The following KAT6A variants were observed in gnomAD, a reference collection of about 807,000 sequenced individuals.
The protein encoded by KAT6A is lysine acetyltransferase 6A.
In KAT6A, 9 loss-of-function variants were observed where a neutral mutation model predicts 198.4. The observed-to-expected ratio is 0.05, with a 90% CI of 0.03 to 0.08. The LOEUF (loss-of-function observed/expected upper bound fraction) is 0.08. Ranked by LOEUF, KAT6A falls within the 10% of genes least tolerant of loss-of-function variation. KAT6A has a pLI of 1.00. For synonymous variants in KAT6A, 890 were observed against 883.0 expected (o/e 1.01, Z -0.14); for missense variants, 2,077 against 2,509.9 (o/e 0.83, Z 3.69).
At chr8:42,014,055 G>A (rs1826148802) in intron 2 of KAT6A, among the ~76,000 whole-genome samples, 1 of 151,972 alleles carries the variant, frequency 6.6e-6, no homozygotes, top group Non-Finnish European at 1.5e-5. Flanking sequence ...ACTGAAATCT[G>A]AATTACATAT....
rs375189543 is a variant in KAT6A, at chr8:41,940,916, C to T, written c.2965G>A (p.Glu989Lys). ...GGGCTTTCCGGCTCCTCCTCCTCCTCGCTGCTCTCACTGAAGCCCCTGAGG... is the reference window on the plus strand; with the variant it reads ...GGGCTTTCCGGCTCCTCCTCCTCCTTGCTGCTCTCACTGAAGCCCCTGAGG... ...AVLRGFSESS[E>K]EEEEPESPRS... The change falls in exon 15 of 17, where the codon GAG (glutamate) becomes AAG (lysine). Residue 989 changes from glutamate to lysine, a missense_variant. By Grantham distance (56) the Glu-to-Lys change is moderately conservative (BLOSUM62 1). Around this residue, in one of 13 missense-constraint regions of KAT6A, gnomAD observed 301 missense variants for 272.2 expected, o/e 1.11. Transcript: ENST00000265713. 6.8e-6 allele frequency: 11 copies of T among 1,614,034 alleles called. No homozygotes were observed. The highest frequency in any genetic ancestry group is 2.2e-5 in the South Asian group (2 of 91,080).
chr8:41,977,069 A>G lies in KAT6A; in HGVS notation c.1302T>C (p.Ser434=), dbSNP rs757280117. The G allele has an allele frequency of 3.3e-5, 53 of 1,614,122 alleles. No homozygotes were observed. The highest frequency in any genetic ancestry group is 4.1e-5 in the Non-Finnish European group (48 of 1,179,992). The change falls in exon 7 of 17, where the codon TCT becomes TCC. Residue 434 remains serine, a synonymous_variant. Coordinates refer to ENST00000265713, the MANE Select transcript of KAT6A (RefSeq NM_006766.5). ...RKARGEVVDY[S]EQYRIRKRGN... Reference sequence around the variant, plus strand: ...CCCTCTTTCTGATTCGATATTGCTCAGAGTAGTCCACCACTTCCCCCCGAG... The same window carrying G: ...CCCTCTTTCTGATTCGATATTGCTCGGAGTAGTCCACCACTTCCCCCCGAG...
In KAT6A at chr8:42,049,046, G is replaced by A; in HGVS notation, c.-69C>T. 1.4e-6 allele frequency: 2 copies of A among 1,477,564 alleles called. No homozygotes were observed. The highest frequency in any genetic ancestry group is 1.3e-5 in the South Asian group (1 of 75,148). 91.5% of individuals were successfully genotyped at this position (1,477,564 alleles called of 1,614,324 possible). A position where few individuals can be genotyped will look rare whatever the true frequency, so the allele number is the denominator to read the frequency against. On this transcript the variant is annotated 5_prime_UTR_variant, in exon 2 of 17. Transcript: ENST00000265713. ...TGATGCTGAGTAAGTTTTACACCAT[G>A]GAAAACAAGATTCTCGGAGGCTGGG...
intron 2 of KAT6A, among the ~76,000 whole-genome samples, chr8:42,010,155 A>C (rs1825957499): frequency 6.6e-6 from 1 of 152,022 alleles, no homozygotes; most frequent in African/African-American, 2.4e-5. Context: ...AAATACAAAA[A>C]TTAGCTTGGT....
At chr8:42,005,794 A>T (rs1181090134) in intron 2 of KAT6A, among the ~76,000 whole-genome samples, 1 of 145,294 alleles carries the variant, frequency 6.9e-6, no homozygotes, top group East Asian at 2.0e-4. Flanking sequence ...ACACACACAC[A>T]CACACTCACT....
rs1826678616 is a variant in KAT6A at position 42,024,060 on chromosome 8, G to A, written c.600+24318C>T. 3.9e-5 allele frequency among the ~76,000 whole-genome samples: 6 copies of A among 151,966 alleles called. No homozygotes were observed. The South Asian group carries it at 8.3e-4, about 21-fold the overall frequency. ...GGGACCTGTCTGGGACTGTTTTACC[G>A]TAAACTCTTTTTAATAAGAAGGAGT... On this transcript the variant is annotated intron_variant, in intron 2 of 16. Transcript: ENST00000265713.
chr8:41,953,426 A>AT (rs1822763119), intron 9 of KAT6A, among the ~76,000 whole-genome samples: 1 of 152,220 alleles, frequency 6.6e-6, no homozygotes, highest in Admixed American at 6.5e-5. Flanking sequence ...AAAAATGATC[A>AT]TAACAACTTA....
chr8:42,003,933 CTTCCAGT>C (rs1235756807), intron 2 of KAT6A, among the ~76,000 whole-genome samples: 1 of 152,196 alleles, frequency 6.6e-6, no homozygotes, highest in Admixed American at 6.5e-5. Flanking sequence ...TGATTTGCAA[CTTCCAGT>C]TTCCAGAATT....
At position 41,932,631 on chromosome 8, in the gene KAT6A, T is replaced by C; in HGVS notation, c.5589A>G (p.Pro1863=). ...GHISIRSKSA[P]LPSAAAHQQQ... is the part of the protein sequence containing the mutation. ...GCTGGTGAGCAGCCGCAGAGGGCAG[T>C]GGCGCAGACTTGGAGCGGATGGAAA... The change falls in exon 17 of 17, where the codon CCA becomes CCG. Residue 1863 remains proline (P), a synonymous_variant. Coordinates refer to ENST00000265713, the MANE Select transcript of KAT6A (RefSeq NM_006766.5). The C allele has an allele frequency of 6.2e-7, 1 of 1,614,076 alleles. No individual in the cohort carries two copies. The highest frequency in any genetic ancestry group is 8.5e-7 in the Non-Finnish European group (1 of 1,179,922).
Position 41,974,742 on chromosome 8 carries a change from T to C in KAT6A, c.1444A>G (p.Met482Val). The change falls in exon 8 of 17, where the codon ATG becomes GTG. Residue 482 changes from methionine to valine, a missense_variant. Transcript: ENST00000265713. ...GSQEIMTEKD[M>V]ELFRDIQEQA... Reference sequence around the variant, plus strand: ...TCTTGGATATCACGAAATAATTCCATATCTTTCTCAGTCATGATTTCCTGG... The same window carrying C: ...TCTTGGATATCACGAAATAATTCCACATCTTTCTCAGTCATGATTTCCTGG... 6.8e-6 allele frequency: 11 copies of C among 1,610,466 alleles called. No homozygotes were observed. Among genetic ancestry groups the C allele is most frequent in the African/African-American group, 1.3e-5 (1 of 74,882 alleles).
intron 2 of KAT6A, among the ~76,000 whole-genome samples, chr8:42,041,086 T>C (rs1006007199): frequency 2.0e-5 from 3 of 151,446 alleles, no homozygotes; most frequent in Non-Finnish European, 2.9e-5. Flanking sequence ...TCCCAGCTAT[T>C]TGGGAGACTG....
At chr8:41,983,383 T>C (rs144034651) in intron 3 of KAT6A, among the ~76,000 whole-genome samples, 3 of 152,224 alleles carry the variant, frequency 2.0e-5, no homozygotes, top group Non-Finnish European at 4.4e-5. Context: ...CCTAGAATAA[T>C]AGCCATTTTT....
At position 41,980,834 on chromosome 8, in the gene KAT6A, A is replaced by C; in HGVS notation, c.907+12T>G. 1 of 1,591,598 alleles carries C rather than the reference A, an allele frequency of 6.3e-7. No individual in the cohort carries two copies. Among genetic ancestry groups the C allele is most frequent in the Non-Finnish European group, 8.6e-7 (1 of 1,159,588 alleles). On this transcript the variant is annotated intron_variant, in intron 5 of 16. Transcript: ENST00000265713. The stretch of plus-strand genomic sequence containing the variant: ...TTATATTCCCAGTTTTATTTCAGAA[A>C]GTATTTCTCACCTTTTGGCATACGG...
rs770520378 is a variant in KAT6A, at chr8:41,934,224, T to C, written c.3996A>G (p.Leu1332=). 7.4e-6 allele frequency: 12 copies of C among 1,614,036 alleles called. No homozygotes were observed. In the Admixed American group the frequency reaches 1.2e-4, roughly 16 times the overall value. Residue 1332 remains leucine (L), a synonymous_variant, in exon 17 of 17, where the codon CTA becomes CTG. Coordinates refer to ENST00000265713, the MANE Select transcript of KAT6A (RefSeq NM_006766.5). Reference sequence around the variant, plus strand: ...CATCTTCCCTCGTGGGCTGTTCCTCTAGCTCCTTTTTCTTTGTGGACTCCA... The same window carrying C: ...CATCTTCCCTCGTGGGCTGTTCCTCCAGCTCCTTTTTCTTTGTGGACTCCA... The part of the protein sequence containing the change: ...GHLESTKKKE[L]EEQPTREDVK...
intron 8 of KAT6A, among the ~76,000 whole-genome samples, chr8:41,971,562 G>C (rs570418579): frequency 6.6e-6 from 1 of 152,130 alleles, no homozygotes; most frequent in East Asian, 1.9e-4. Context: ...GCCAAAGAGG[G>C]AGGCAGGCAC....
At chr8:41,942,680 C>A in intron 14 of KAT6A, 113 bp downstream of exon 14, 1 of 1,173,834 alleles carries the variant, frequency 8.5e-7, no homozygotes, top group Non-Finnish European at 1.2e-6. Context: ...TCTTGACATT[C>A]TAATGTGAAT....
At position 42,030,876 on chromosome 8, in the gene KAT6A, C is replaced by A. The variant is rs569197261; in HGVS notation, c.600+17502G>T. Reference sequence around the variant, plus strand: ...TACAGGGGTTAACCACTGTGCTCCGCCTCTCCGTTAAAATCTTATGGGACA... The same window carrying A: ...TACAGGGGTTAACCACTGTGCTCCGACTCTCCGTTAAAATCTTATGGGACA... On this transcript the variant is annotated intron_variant, in intron 2 of 16. Transcript: ENST00000265713. Among the ~76,000 whole-genome samples the A allele has an allele frequency of 5.2e-4, 79 of 152,166 alleles. 1 individual carries two copies. The highest frequency in any genetic ancestry group is 1.9e-3 in the African/African-American group (78 of 41,482).
intron 14 of KAT6A, among the ~76,000 whole-genome samples, chr8:41,941,816 C>A (rs1374276992): frequency 6.6e-6 from 1 of 152,118 alleles, no homozygotes; most frequent in Non-Finnish European, 1.5e-5. Context: ...TGCAGTACCA[C>A]CCTCAATAAG....
In KAT6A at chr8:41,938,552, C is replaced by T. The variant is rs532043102; in HGVS notation, c.3040-984G>A. On this transcript the variant is annotated intron_variant, in intron 15 of 16. Coordinates refer to ENST00000265713, the MANE Select transcript of KAT6A (RefSeq NM_006766.5). Reference sequence around the variant, plus strand: ...GAAAAGGCTGATTCTAGGACAAGGGCATGAAATATACAAGATGAACTTGAA... The same window carrying T: ...GAAAAGGCTGATTCTAGGACAAGGGTATGAAATATACAAGATGAACTTGAA... 3.9e-5 allele frequency among the ~76,000 whole-genome samples: 6 copies of T among 152,160 alleles called. No individual in the cohort carries two copies. The East Asian group carries it at 1.2e-3, about 29-fold the overall frequency.
Sources: gnomAD v4.1 joint callset for allele counts (sites outside exome capture counted in the v4.1 genomes callset) on GRCh38, gnomAD v4.1.1 for gene constraint, gnomAD v4.1.1 regional missense constraint, MANE v1.5 for transcripts, NCBI Gene and HGNC (gene_info 2026-07-23, HGNC 2026-07-21) for gene names.